Variants in SUPT20H observed in about 807,000 individuals in gnomAD.
SUPT20H encodes the protein transcription factor SPT20 homolog.
A neutral mutation model predicts 122.8 loss-of-function variants in SUPT20H; 82 were observed. The observed-to-expected ratio is 0.67, with a 90% CI of 0.56 to 0.80. SUPT20H has a LOEUF of 0.80. Among genes scored for constraint, SUPT20H ranks in the 30% least tolerant of loss-of-function variants. The pLI is 0.00. For synonymous variants in SUPT20H, 291 were observed against 313.0 expected (o/e 0.93, Z 0.74); for missense variants, 831 against 921.6 (o/e 0.90, Z 1.27).
At chr13:37,012,071 CTTTACTTTTTCCTG>C in intron 24 of SUPT20H, 107 bp downstream of exon 24, 1 of 739,312 alleles carries the variant, frequency 1.4e-6, no homozygotes, top group Non-Finnish European at 2.3e-6. Flanking sequence ...CACATTATAG[CTTTACTTTTTCCTG>C]TTTACTGGTT....
chr13:37,018,719 C>A (rs1195330993), intron 22 of SUPT20H, among the ~76,000 whole-genome samples: 1 of 152,144 alleles, frequency 6.6e-6, no homozygotes, highest in Non-Finnish European at 1.5e-5. Flanking sequence ...TGCAGTGGCA[C>A]AATGTCAGCT....
intron 5 of SUPT20H, 50 bp downstream of exon 5, chr13:37,047,485 C>A (rs777792239): frequency 7.2e-7 from 1 of 1,381,044 alleles, no homozygotes; most frequent in South Asian, 1.5e-5. Flanking sequence ...CCTCCAAATT[C>A]CTCTCTTCTA....
Position 37,031,639 on chromosome 13 carries a change from C to A in SUPT20H, c.865-16G>T. The A allele has an allele frequency of 6.4e-7, 1 of 1,554,874 alleles. No individual in the cohort carries two copies. The highest frequency in any genetic ancestry group is 1.3e-5 in the South Asian group (1 of 79,536). ...TATCTACACACTGAAAAATTAAAAA[C>A]AATATACTGAAAAATTAAAAACAAT... On this transcript the variant is annotated splice_polypyrimidine_tract_variant and intron_variant, in intron 11 of 25. Coordinates refer to ENST00000350612, the MANE Select transcript of SUPT20H (RefSeq NM_001014286.3).
chr13:37,026,311 T>C, intron 15 of SUPT20H, 75 bp from the exon 16 acceptor site: 3 of 1,111,414 alleles, frequency 2.7e-6, no homozygotes, highest in Non-Finnish European at 2.4e-6. Context: ...GGGATTACTT[T>C]TGAATCTTCC....
At chr13:37,037,841 AT>A (rs926746499) in intron 9 of SUPT20H, among the ~76,000 whole-genome samples, 1 of 152,088 alleles carries the variant, frequency 6.6e-6, no homozygotes, top group Non-Finnish European at 1.5e-5. Context: ...AACTAAGGCT[AT>A]TTTTTTTAAA....
intron 1 of SUPT20H, among the ~76,000 whole-genome samples, chr13:37,057,554 G>C (rs2069396101): frequency 6.7e-6 from 1 of 148,274 alleles, no homozygotes. Flanking sequence ...AAAGGAAAGG[G>C]CCAGGTGGGG....
chr13:37,021,816 C>A (rs1227994965), intron 20 of SUPT20H, among the ~76,000 whole-genome samples, 195 bp downstream of exon 20: 1 of 152,116 alleles, frequency 6.6e-6, no homozygotes, highest in Non-Finnish European at 1.5e-5. Flanking sequence ...GATGAGATAT[C>A]ATCTTAGTGC....
In SUPT20H at chr13:37,017,293, T is replaced by C; in HGVS notation, c.1944A>G (p.Gln648=). ...TACAAGTTGTGGGCTGCTGAGGTTG[T>C]TGTGGTGTAAACTGGGAGAGCTGCT... The part of the protein sequence containing the change: ...QQQQLSQFTP[Q]QPQQPTTCSP... Residue 648 remains glutamine (Q), a synonymous_variant, in exon 23 of 26, where the codon CAA becomes CAG. Coordinates refer to ENST00000350612, the MANE Select transcript of SUPT20H (RefSeq NM_001014286.3). 1 of 1,614,142 alleles carries C rather than the reference T, an allele frequency of 6.2e-7. No individual in the cohort carries two copies. The highest frequency in any genetic ancestry group is 8.5e-7 in the Non-Finnish European group (1 of 1,180,002).
intron 21 of SUPT20H, 121 bp from the exon 22 acceptor site, chr13:37,019,518 T>A (rs1212331718): frequency 1.9e-6 from 1 of 535,630 alleles, no homozygotes; most frequent in East Asian, 3.5e-5. Context: ...TGTGCTTATT[T>A]TCCATACTTC....
At chr13:37,048,728 C>A (rs943235104) in intron 2 of SUPT20H, 129 bp from the exon 3 acceptor site, 19 of 665,532 alleles carry the variant, frequency 2.9e-5, no homozygotes, top group Non-Finnish European at 4.6e-5. Context: ...TCCTCCACTC[C>A]ACTCTATGAT....
In SUPT20H at chr13:37,045,144, C is replaced by T. The variant is rs185036706; in HGVS notation, c.292+103G>A. The T allele has an allele frequency of 1.2e-5, 18 of 1,491,458 alleles. No homozygotes were observed. In the East Asian group the frequency reaches 3.7e-4, roughly 31 times the overall value. The allele number at this position is 1,491,458 out of a possible 1,614,324, so 92.4% of individuals were successfully genotyped here. On this transcript the variant is annotated intron_variant, in intron 6 of 25. Coordinates refer to ENST00000350612, the MANE Select transcript of SUPT20H (RefSeq NM_001014286.3). ...GTTTTTATCACTAGGTCATCACTAT[C>T]TGAAGGACAAATGCTTTAGCAGGTT...
intron 2 of SUPT20H, 53 bp from the exon 3 acceptor site, chr13:37,048,652 T>G (rs2066984141): frequency 1.4e-6 from 2 of 1,480,304 alleles, no homozygotes; most frequent in African/African-American, 2.9e-5. Context: ...CACAAAAAAA[T>G]TTAATATACA....
intron 7 of SUPT20H, among the ~76,000 whole-genome samples, chr13:37,042,076 C>T (rs971540410): frequency 6.6e-6 from 1 of 152,048 alleles, no homozygotes; most frequent in African/African-American, 2.4e-5. Context: ...TGGAATGCAG[C>T]GAGTGAGGAT....
At chr13:37,044,758 G>T (rs887251386) in intron 6 of SUPT20H, among the ~76,000 whole-genome samples, 4 of 152,142 alleles carry the variant, frequency 2.6e-5, no homozygotes, top group Admixed American at 6.5e-5. Flanking sequence ...AGTATTAATA[G>T]AAATATTTTA....
intron 11 of SUPT20H, 48 bp downstream of exon 11, chr13:37,031,691 G>C: frequency 1.3e-6 from 2 of 1,546,304 alleles, no homozygotes; most frequent in African/African-American, 2.8e-5. Flanking sequence ...TGCTAAATAA[G>C]ACAGGCTTTT....
At chr13:37,031,524 G>T in intron 12 of SUPT20H, 43 bp downstream of exon 12, 2 of 1,366,034 alleles carry the variant, frequency 1.5e-6, no homozygotes, top group Non-Finnish European at 2.0e-6. Flanking sequence ...TAGTAAAACT[G>T]AGAAACTTTA....
intron 17 of SUPT20H, chr13:37,024,705 G>C (rs554148344): frequency 4.3e-6 from 1 of 232,748 alleles, no homozygotes; most frequent in African/African-American, 2.3e-5. Context: ...GGTGGGAAGA[G>C]AGAGTTTTAG....
intron 4 of SUPT20H, 131 bp downstream of exon 4, chr13:37,047,747 C>T (rs1391713433): frequency 8.2e-7 from 1 of 1,214,308 alleles, no homozygotes; most frequent in South Asian, 1.8e-5. Context: ...TAGCTAACAT[C>T]AACTTAGAAA....
In SUPT20H at chr13:37,010,633, G is replaced by A. The variant is rs1470553154; in HGVS notation, c.2121C>T (p.Ala707=). 5 of 1,613,664 alleles carry A rather than the reference G, an allele frequency of 3.1e-6. No individual in the cohort carries two copies. The highest frequency in any genetic ancestry group is 4.2e-6 in the Non-Finnish European group (5 of 1,179,842). ...QAAVLSQLGS[A]ENRPEQSLPQ... is the part of the protein sequence containing the mutation. ...GAAGGCTTTGCTCAGGTCTGTTCTC[G>A]GCAGAGCCAAGCTGAGACAACACTA... Residue 707 remains alanine, a synonymous_variant, in exon 25 of 26, where the codon GCC becomes GCT. Coordinates refer to ENST00000350612, the MANE Select transcript of SUPT20H (RefSeq NM_001014286.3).
Sources: allele counts gnomAD v4.1 joint callset (sites outside exome capture counted in the v4.1 genomes callset), GRCh38; gene constraint gnomAD v4.1.1; transcripts MANE v1.5; gene names NCBI Gene and HGNC (gene_info 2026-07-23, HGNC 2026-07-21).